NDUFAF2: variants seen among roughly 807,000 people sequenced by gnomAD.
The protein encoded by NDUFAF2 is NADH:ubiquinone oxidoreductase complex assembly factor 2, also known as NADH dehydrogenase [ubiquinone] 1 alpha subcomplex assembly factor 2.
In NDUFAF2, 13 loss-of-function variants were observed where a neutral mutation model predicts 22.8. The observed-to-expected ratio is 0.57, with a 90% CI of 0.37 to 0.91. The LOEUF (loss-of-function observed/expected upper bound fraction) is 0.91, where lower values mean the gene tolerates loss of function less well. NDUFAF2 is among the 40% of genes least tolerant of loss of function. The pLI, the probability that NDUFAF2 is intolerant of heterozygous loss-of-function variation, is 0.01. For synonymous variants in NDUFAF2, 53 were observed against 64.2 expected, an observed-to-expected ratio of 0.83 and a Z score of 0.84; for missense variants, 162 against 195.2, an observed-to-expected ratio of 0.83 and a Z score of 1.01.
intron 1 of NDUFAF2, among the ~76,000 whole-genome samples, chr5:60,963,177 C>T (rs950542406): frequency 6.6e-6 from 1 of 152,124 alleles, no homozygotes; most frequent in Non-Finnish European, 1.5e-5. Flanking sequence ...AGCCACTGCA[C>T]CCAGCCAAGA....
intron 1 of NDUFAF2, among the ~76,000 whole-genome samples, chr5:60,965,324 A>G (rs1198437646): frequency 6.6e-6 from 1 of 152,014 alleles, no homozygotes; most frequent in Non-Finnish European, 1.5e-5. Flanking sequence ...TTGTGAAATG[A>G]TTAAATCAAG....
chr5:60,996,528 A>G (rs926943843), intron 1 of NDUFAF2, among the ~76,000 whole-genome samples: 10 of 152,012 alleles, frequency 6.6e-5, no homozygotes, highest in Admixed American at 2.0e-4. Context: ...GGTGATGCCA[A>G]CACTCCCTTG....
chr5:61,003,821 CTATTTTTTATTTATT>C (rs1041644177), intron 1 of NDUFAF2, among the ~76,000 whole-genome samples: 2 of 151,488 alleles, frequency 1.3e-5, no homozygotes, highest in Admixed American at 1.3e-4. Flanking sequence ...CCATGCCTGG[CTATTTTTTATTTATT>C]TATTTTTTAT....
intron 1 of NDUFAF2, among the ~76,000 whole-genome samples, chr5:60,987,020 A>G (rs1751091066): frequency 1.3e-5 from 2 of 152,040 alleles, no homozygotes; most frequent in Non-Finnish European, 2.9e-5. Context: ...AGAATTAATA[A>G]TATAGACTGT....
chr5:61,126,613 T>A (rs770439321), intron 3 of NDUFAF2, among the ~76,000 whole-genome samples: 10 of 152,096 alleles, frequency 6.6e-5, no homozygotes, highest in Non-Finnish European at 1.3e-4. Flanking sequence ...AATGTAATAA[T>A]TTTTAAAAGT....
intron 1 of NDUFAF2, among the ~76,000 whole-genome samples, chr5:60,947,816 T>C (rs1330346894): frequency 6.6e-6 from 1 of 151,332 alleles, no homozygotes; most frequent in Admixed American, 6.6e-5. Flanking sequence ...AATATATTTA[T>C]ACCAGTTTTT....
intron 1 of NDUFAF2, among the ~76,000 whole-genome samples, chr5:61,059,390 T>C (rs984142203): frequency 5.3e-5 from 8 of 152,136 alleles, no homozygotes; most frequent in African/African-American, 1.7e-4. Flanking sequence ...GATATTCTTA[T>C]GTATTTTCAG....
chr5:60,967,247 T>C (rs914627974), intron 1 of NDUFAF2, among the ~76,000 whole-genome samples: 1 of 152,038 alleles, frequency 6.6e-6, no homozygotes, highest in Non-Finnish European at 1.5e-5. Flanking sequence ...GTGGCATTTT[T>C]AGAATTTTTT....
chr5:61,102,833 C>T (rs564996237), intron 3 of NDUFAF2, among the ~76,000 whole-genome samples: 64 of 152,116 alleles, frequency 4.2e-4, no homozygotes, highest in African/African-American at 1.5e-3. Flanking sequence ...AAATCTTGAA[C>T]AAGCACTCTG....
Position 61,108,800 on chromosome 5 carries a change from A to C in NDUFAF2, c.258+9768A>C, listed in dbSNP as rs559936072. 3.3e-5 allele frequency among the ~76,000 whole-genome samples: 5 copies of C among 152,140 alleles called. No individual in the cohort carries two copies. The East Asian group carries it at 9.6e-4, about 29-fold the overall frequency. ...TGTGGATTTGTTTCTGGATTCTCTA[A>C]TCTATTCCATTGGCCTGTGTGTCTG... On this transcript the variant is annotated intron_variant, in intron 3 of 3. Coordinates refer to ENST00000296597, the MANE Select transcript of NDUFAF2 (RefSeq NM_174889.5).
rs557902631 is a variant in NDUFAF2 at position 61,054,438 on chromosome 5, C to CT, written c.128-18686dup. Reference sequence around the variant, plus strand: ...AGGCCAGACCATAGGTTTCCAAGTCCTAGGGAGCCAATAGAATAGTCCTGG... The same window carrying CT: ...AGGCCAGACCATAGGTTTCCAAGTCCTTAGGGAGCCAATAGAATAGTCCTGG... On this transcript the variant is annotated intron_variant, in intron 1 of 3. Coordinates refer to ENST00000296597, the MANE Select transcript of NDUFAF2 (RefSeq NM_174889.5). Among the ~76,000 whole-genome samples, 977 of 152,162 alleles carry CT rather than the reference C, an allele frequency of 6.4e-3. 2 individuals carry two copies. The highest frequency in any genetic ancestry group is 0.012 in the Non-Finnish European group (805 of 67,998).
intron 1 of NDUFAF2, among the ~76,000 whole-genome samples, chr5:61,010,689 C>T (rs1251373167): frequency 6.6e-6 from 1 of 152,070 alleles, no homozygotes; most frequent in Non-Finnish European, 1.5e-5. Flanking sequence ...AGCTATTTGC[C>T]TTGCATTATA....
At chr5:60,981,379 A>T (rs1750975354) in intron 1 of NDUFAF2, among the ~76,000 whole-genome samples, 1 of 152,188 alleles carries the variant, frequency 6.6e-6, no homozygotes, top group African/African-American at 2.4e-5. Flanking sequence ...TTCCCAGGCA[A>T]AATACCTGAG....
chr5:60,955,156 A>C (rs991263098), intron 1 of NDUFAF2, among the ~76,000 whole-genome samples: 1 of 152,190 alleles, frequency 6.6e-6, no homozygotes, highest in Non-Finnish European at 1.5e-5. Context: ...GCCAATGTCA[A>C]GAAGCTTTTT....
chr5:61,014,154 C>A (rs942421592), intron 1 of NDUFAF2, among the ~76,000 whole-genome samples: 3 of 152,186 alleles, frequency 2.0e-5, no homozygotes, highest in African/African-American at 7.2e-5. Context: ...ACAGCCTTAC[C>A]CCCTCAATCT....
chr5:61,032,656 T>C (rs993293487), intron 1 of NDUFAF2, among the ~76,000 whole-genome samples: 1 of 152,180 alleles, frequency 6.6e-6, no homozygotes, highest in Admixed American at 6.5e-5. Context: ...AGTCAGGTAG[T>C]GTGATGCCTC....
chr5:60,975,952 C>A (rs1237228722), intron 1 of NDUFAF2, among the ~76,000 whole-genome samples: 1 of 152,176 alleles, frequency 6.6e-6, no homozygotes, highest in East Asian at 1.9e-4. Flanking sequence ...TTATAATCAG[C>A]GTTGCAATAC....
intron 1 of NDUFAF2, among the ~76,000 whole-genome samples, chr5:61,011,711 T>C (rs1408691020): frequency 6.6e-6 from 1 of 152,092 alleles, no homozygotes; most frequent in Non-Finnish European, 1.5e-5. Flanking sequence ...TTCTATTGCA[T>C]GCAGTTAAAA....
chr5:61,044,431 G>A (rs1389792336), intron 1 of NDUFAF2, among the ~76,000 whole-genome samples: 1 of 152,122 alleles, frequency 6.6e-6, no homozygotes, highest in Admixed American at 6.6e-5. Context: ...CACTGCCAAA[G>A]CCAATAAGCT....
Sources: gnomAD v4.1 joint callset for allele counts (sites outside exome capture counted in the v4.1 genomes callset) on GRCh38, gnomAD v4.1.1 for gene constraint, MANE v1.5 for transcripts, NCBI Gene and HGNC (gene_info 2026-07-23, HGNC 2026-07-21) for gene names.